FAM181A: variants seen among roughly 807,000 people sequenced by gnomAD.
FAM181A encodes the protein family with sequence similarity 181 member A.
A neutral mutation model predicts 16.3 loss-of-function variants in FAM181A; 7 were observed. The ratio of observed to expected loss-of-function variants is 0.43; its 90% CI spans 0.24 to 0.81. The LOEUF is 0.81. FAM181A is among the 30% of genes least tolerant of loss of function. The pLI is 0.24. For synonymous variants in FAM181A, 183 were observed against 164.9 expected (o/e 1.11, Z -0.84); for missense variants, 349 against 377.5 (o/e 0.92, Z 0.63).
At chr14:93,920,357 G>A (rs933169185) in intron 1 of FAM181A, among the ~76,000 whole-genome samples, 7 of 152,074 alleles carry the variant, frequency 4.6e-5, no homozygotes, top group Admixed American at 3.3e-4. Context: ...TCAAGACACC[G>A]CAGTGTGCCA....
At chr14:93,920,454 GGAAGGAAA>G (rs1055801929) in intron 1 of FAM181A, among the ~76,000 whole-genome samples, 13 of 149,108 alleles carry the variant, frequency 8.7e-5, no homozygotes, top group East Asian at 3.9e-4. Flanking sequence ...AAGGAAGGAA[GGAAGGAAA>G]GAAGGAAAGA....
At chr14:93,924,851 C>A (rs1409285329), upstream of FAM181A, among the ~76,000 whole-genome samples, 1 of 152,084 alleles carries the variant, frequency 6.6e-6, no homozygotes, top group Non-Finnish European at 1.5e-5. Flanking sequence ...AGTAACTCAA[C>A]CTCACTTCAT....
chr14:93,924,781 A>G (rs1219971071), upstream of FAM181A, among the ~76,000 whole-genome samples: 2 of 152,362 alleles, frequency 1.3e-5, no homozygotes, highest in East Asian at 3.9e-4. Flanking sequence ...GCCTTTGGAC[A>G]CAGACGGGCC....
At chr14:93,920,699 G>A (rs987314603) in intron 1 of FAM181A, among the ~76,000 whole-genome samples, 1 of 152,168 alleles carries the variant, frequency 6.6e-6, no homozygotes, top group Non-Finnish European at 1.5e-5. Context: ...TGATAAAGAG[G>A]ATCTACAAAA....
At chr14:93,920,096 G>A (rs1331779885) in intron 1 of FAM181A, among the ~76,000 whole-genome samples, 1 of 152,154 alleles carries the variant, frequency 6.6e-6, no homozygotes, top group African/African-American at 2.4e-5. Context: ...GACCAAAAGA[G>A]AGAAGACATA....
chr14:93,924,766 A>G (rs140263980), upstream of FAM181A, among the ~76,000 whole-genome samples: 834 of 152,304 alleles, frequency 5.5e-3, 9 homozygotes, highest in African/African-American at 0.019. Context: ...GGCAGATCCA[A>G]CTCAGCCTTT....
At chr14:93,921,324 G>T (rs1469738230) in intron 1 of FAM181A, among the ~76,000 whole-genome samples, 1 of 152,234 alleles carries the variant, frequency 6.6e-6, no homozygotes, top group African/African-American at 2.4e-5. Flanking sequence ...GTCACTGGAG[G>T]TGGACTGCAG....
chr14:93,922,579 A>G (rs532592256), upstream of FAM181A, among the ~76,000 whole-genome samples: 70 of 152,198 alleles, frequency 4.6e-4, no homozygotes, highest in South Asian at 1.0e-3. Context: ...AATCCCAGCT[A>G]CTCAGGAGGC....
chr14:93,928,547 AGCCCCGGCGGGGGTGGGG>A lies in FAM181A; in HGVS notation c.265_282del (p.Pro89_Gly94del). On this transcript the variant is annotated inframe_deletion, in exon 2 of 2. Coordinates refer to ENST00000556222, the MANE Select transcript of FAM181A (RefSeq NM_001207073.2). ...GCTCCTGGATTTGGGCCCTGATTCC[AGCCCCGGCGGGGGTGGGG>A]GCTGCAAGGAGAAGGTGCTGAGGAA... is the stretch of plus-strand genomic sequence containing the variant. 6.2e-7 allele frequency: 1 copy of A among 1,612,786 alleles called. No individual in the cohort carries two copies. The highest frequency in any genetic ancestry group is 1.7e-4 in the Middle Eastern group (1 of 6,058).
chr14:93,919,777 A>G (rs1887656058), intron 1 of FAM181A, among the ~76,000 whole-genome samples: 1 of 152,218 alleles, frequency 6.6e-6, no homozygotes, highest in Admixed American at 6.5e-5. Context: ...ACTGAGCCAA[A>G]GAAAAATGCA....
At chr14:93,924,350 G>C (rs1262957646), upstream of FAM181A, among the ~76,000 whole-genome samples, 2 of 152,206 alleles carry the variant, frequency 1.3e-5, no homozygotes, top group Non-Finnish European at 2.9e-5. Flanking sequence ...TTGGGCCCAA[G>C]AATCAGGTTT....
intron 1 of FAM181A, among the ~76,000 whole-genome samples, chr14:93,921,660 G>C (rs929549572): frequency 6.6e-6 from 1 of 152,228 alleles, no homozygotes; most frequent in African/African-American, 2.4e-5. Flanking sequence ...TCCTCCGCGT[G>C]GCCTTTGTTA....
chr14:93,927,652 G>A, intron 1 of FAM181A, 198 bp downstream of exon 1: 1 of 1,281,662 alleles, frequency 7.8e-7, no homozygotes, highest in South Asian at 1.2e-5. Context: ...GTGCCAGACA[G>A]GGGTCCTGCC....
upstream of FAM181A, among the ~76,000 whole-genome samples, chr14:93,924,414 T>C (rs958756865): frequency 6.6e-6 from 1 of 152,236 alleles, no homozygotes; most frequent in African/African-American, 2.4e-5. Flanking sequence ...ATCCCCTCTC[T>C]GCCCAGACCC....
upstream of FAM181A, chr14:93,925,229 C>T: frequency 1.9e-6 from 3 of 1,596,140 alleles, no homozygotes; most frequent in African/African-American, 1.3e-5. Context: ...CGTGGGATCT[C>T]AAGGAAGCTG....
upstream of FAM181A, among the ~76,000 whole-genome samples, chr14:93,922,991 T>C (rs1887781699): frequency 6.6e-6 from 1 of 152,096 alleles, no homozygotes; most frequent in Non-Finnish European, 1.5e-5. Flanking sequence ...TTTTTTTTTT[T>C]GAGATGAAGT....
At position 93,928,440 on chromosome 14, in the gene FAM181A, A is replaced by G. The variant is rs1235645158; in HGVS notation, c.155A>G (p.Tyr52Cys). Residue 52 changes from tyrosine to cysteine, a missense_variant, in exon 2 of 2, where the codon TAT becomes TGT. Physicochemically the swap from Tyr to Cys is radical, Grantham distance 194 (BLOSUM62 -2). Coordinates refer to ENST00000556222, the MANE Select transcript of FAM181A (RefSeq NM_001207073.2). ...QKQLKRFSQKYSRLPRGLPGR... is the reference protein window; with the variant it reads ...QKQLKRFSQKCSRLPRGLPGR... ...CAGCTCAAGCGCTTCTCCCAGAAGT[A>G]TTCCCGGCTCCCGCGGGGCCTTCCT... 7 of 1,612,534 alleles carry G rather than the reference A, an allele frequency of 4.3e-6. No individual in the cohort carries two copies. The highest frequency in any genetic ancestry group is 5.9e-6 in the Non-Finnish European group (7 of 1,178,884).
chr14:93,929,251 C>G lies in FAM181A; in HGVS notation c.*87C>G. 2.0e-6 allele frequency: 3 copies of G among 1,468,870 alleles called. No homozygotes were observed. In the South Asian group the frequency reaches 4.4e-5, roughly 21 times the overall value. The allele number at this position is 1,468,870 out of a possible 1,614,324, so 91.0% of individuals were successfully genotyped here. On this transcript the variant is annotated 3_prime_UTR_variant, in exon 2 of 2. Coordinates refer to ENST00000556222, the MANE Select transcript of FAM181A (RefSeq NM_001207073.2). ...GCTCTCCTGTGAGGAGGTGGCTGGG[C>G]CACAGTGTGGCCTCTTCCGTTTGTG...
chr14:93,925,456 C>T (rs1424125809), upstream of FAM181A: 37 of 1,327,706 alleles, frequency 2.8e-5, no homozygotes, highest in Non-Finnish European at 3.5e-5. Context: ...CAGCAGGGAG[C>T]TGGCCCTGGT....
Sources: allele counts gnomAD v4.1 joint callset (sites outside exome capture counted in the v4.1 genomes callset), GRCh38; gene constraint gnomAD v4.1.1; transcripts MANE v1.5; gene names NCBI Gene and HGNC (gene_info 2026-07-23, HGNC 2026-07-21).